The following RFFL variants were observed in gnomAD, a reference collection of about 807,000 sequenced individuals.
The protein encoded by RFFL is ring finger and FYVE like domain containing E3 ubiquitin protein ligase.
RFFL carries 16 observed loss-of-function variants against 40.4 expected under a neutral mutation model. That is an observed-to-expected ratio of 0.40 (90% CI 0.27 to 0.60). RFFL has a LOEUF of 0.60. Among genes scored for constraint, RFFL ranks in the 20% least tolerant of loss-of-function variants. RFFL has a pLI of 0.47. For synonymous variants in RFFL, 154 were observed against 167.9 expected (o/e 0.92, Z 0.64); for missense variants, 367 against 451.7 (o/e 0.81, Z 1.70).
chr17:35,080,743 A>C (rs1332709408), intron 1 of RFFL, among the ~76,000 whole-genome samples: 1 of 152,198 alleles, frequency 6.6e-6, no homozygotes, highest in East Asian at 1.9e-4. Flanking sequence ...GACAGTTAAA[A>C]TGTTTCAGCA....
chr17:35,008,147 T>C lies in RFFL; in HGVS notation c.*3821A>G, dbSNP rs2090908779. The C allele has an allele frequency of 1.3e-5, 2 of 152,264 alleles. No homozygotes were observed. The highest frequency in any genetic ancestry group is 4.8e-5 in the African/African-American group (2 of 41,458). The allele number at this position is 152,264 out of a possible 1,614,324, so 9.4% of individuals were successfully genotyped here. On this transcript the variant is annotated 3_prime_UTR_variant, in exon 7 of 7. Coordinates refer to ENST00000394597, the MANE Select transcript of RFFL (RefSeq NM_001017368.2). ...AAGACCTAACTGGGCATACTAACTG[T>C]CCTCAGATTTCAGTTCTTTAAGGCC...
At chr17:35,025,100 T>A (rs2091033264) in intron 2 of RFFL, 1 of 152,256 alleles carries the variant, frequency 6.6e-6, no homozygotes, top group Non-Finnish European at 1.5e-5. Context: ...GCCTTCTTCA[T>A]CTCTGCCTCC....
intron 1 of RFFL, among the ~76,000 whole-genome samples, chr17:35,028,033 CAA>C (rs77312020): frequency 8.2e-6 from 1 of 122,676 alleles, no homozygotes; most frequent in Admixed American, 8.2e-5. Flanking sequence ...AACTCCATCT[CAA>C]AAAAAAAAAG....
intron 1 of RFFL, chr17:35,076,714 A>ATAATAATAG (rs933796775): frequency 6.9e-6 from 1 of 145,700 alleles, no homozygotes; most frequent in East Asian, 2.0e-4. Flanking sequence ...AATAATAATA[A>ATAATAATAG]TAATAATAGT....
At chr17:35,085,721 C>A (rs1296268027) in intron 1 of RFFL, among the ~76,000 whole-genome samples, 1 of 152,174 alleles carries the variant, frequency 6.6e-6, no homozygotes, top group Non-Finnish European at 1.5e-5. Context: ...AGCCACTGCG[C>A]CCAGCCAAGA....
chr17:35,032,897 T>C (rs1361052650), intron 1 of RFFL, among the ~76,000 whole-genome samples: 1 of 152,006 alleles, frequency 6.6e-6, no homozygotes, highest in African/African-American at 2.4e-5. Flanking sequence ...CACAATACAA[T>C]GAAGAATGCA....
intron 6 of RFFL, 111 bp from the exon 7 acceptor site, chr17:35,012,260 C>G: frequency 1.1e-6 from 1 of 905,204 alleles, no homozygotes; most frequent in Non-Finnish European, 1.6e-6. Context: ...ACATTGTAAA[C>G]AAAGTCTCAG....
chr17:35,024,016 G>A (rs182300388), intron 2 of RFFL, among the ~76,000 whole-genome samples: 1 of 152,310 alleles, frequency 6.6e-6, no homozygotes, highest in East Asian at 1.9e-4. Context: ...TATAAATTCT[G>A]CCGAATGGTT....
upstream of RFFL, among the ~76,000 whole-genome samples, chr17:35,068,232 C>T (rs186643655): frequency 3.4e-3 from 513 of 152,282 alleles, 2 homozygotes; most frequent in Admixed American, 6.4e-3. Context: ...AAATTCAAAC[C>T]ATGGGATGCT....
chr17:35,052,096 T>A (rs1310606346), intron 1 of RFFL, among the ~76,000 whole-genome samples: 1 of 152,164 alleles, frequency 6.6e-6, no homozygotes, highest in Non-Finnish European at 1.5e-5. Context: ...TGTAGAAAAA[T>A]TTGAGGATTC....
chr17:35,046,870 G>A (rs569854821), intron 1 of RFFL, among the ~76,000 whole-genome samples: 15 of 152,334 alleles, frequency 9.8e-5, no homozygotes, highest in Admixed American at 3.9e-4. Context: ...ATTGAACACC[G>A]CAGCAGAGAA....
At chr17:35,025,044 T>C (rs948499773) in intron 2 of RFFL, 14 of 152,246 alleles carry the variant, frequency 9.2e-5, no homozygotes, top group African/African-American at 3.4e-4. Context: ...GTGTGCACTG[T>C]CCTCACCTCC....
At chr17:35,042,155 C>T (rs1361746478) in intron 1 of RFFL, 1 of 152,208 alleles carries the variant, frequency 6.6e-6, no homozygotes, top group Non-Finnish European at 1.5e-5. Context: ...GGGACAGGCC[C>T]TGACACAGCT....
At chr17:35,046,209 A>T (rs753660167) in intron 1 of RFFL, among the ~76,000 whole-genome samples, 3 of 152,200 alleles carry the variant, frequency 2.0e-5, no homozygotes, top group Non-Finnish European at 4.4e-5. Context: ...GTTATTACAG[A>T]AGGACAAAAC....
At chr17:35,028,243 G>A (rs1384210434) in intron 1 of RFFL, among the ~76,000 whole-genome samples, 2 of 151,842 alleles carry the variant, frequency 1.3e-5, no homozygotes, top group African/African-American at 2.4e-5. Context: ...GCTGAGGTGA[G>A]AGGATCACTT....
chr17:35,056,375 C>CTT (rs71147455), intron 1 of RFFL, among the ~76,000 whole-genome samples: 3,010 of 120,678 alleles, frequency 0.025, 148 homozygotes, highest in African/African-American at 0.074. Flanking sequence ...TTTACTTCTA[C>CTT]TTTTTTTTTT....
At chr17:35,022,890 C>T (rs561970765) in intron 2 of RFFL, among the ~76,000 whole-genome samples, 2 of 152,362 alleles carry the variant, frequency 1.3e-5, no homozygotes, top group South Asian at 2.1e-4. Flanking sequence ...GCAACAAGAG[C>T]GCCTGATGGG....
intron 2 of RFFL, among the ~76,000 whole-genome samples, chr17:35,023,025 G>A (rs1444665447): frequency 6.6e-6 from 1 of 152,142 alleles, no homozygotes; most frequent in Non-Finnish European, 1.5e-5. Flanking sequence ...AGTGACATCC[G>A]GCTGAGCTCT....
intron 1 of RFFL, among the ~76,000 whole-genome samples, chr17:35,058,626 C>T (rs2091273715): frequency 6.6e-6 from 1 of 152,034 alleles, no homozygotes; most frequent in South Asian, 2.1e-4. Flanking sequence ...CAAAAATTAG[C>T]CAGGCGTGGT....
Sources: allele counts gnomAD v4.1 joint callset (sites outside exome capture counted in the v4.1 genomes callset), GRCh38; gene constraint gnomAD v4.1.1; transcripts MANE v1.5; gene names NCBI Gene and HGNC (gene_info 2026-07-23, HGNC 2026-07-21).